TBC1D5: variants seen among roughly 807,000 people sequenced by gnomAD.
The protein encoded by TBC1D5 is TBC1 domain family, member 5.
In TBC1D5, 75 loss-of-function variants were observed where a neutral mutation model predicts 100.3. The observed-to-expected ratio is 0.75, with a 90% CI of 0.62 to 0.91. The LOEUF is 0.91. Ranked by LOEUF, TBC1D5 falls within the 40% of genes least tolerant of loss-of-function variation. TBC1D5 has a pLI of 0.00. For synonymous variants in TBC1D5, 323 were observed against 325.6 expected, an observed-to-expected ratio of 0.99 and a Z score of 0.09; for missense variants, 910 against 942.4, an observed-to-expected ratio of 0.97 and a Z score of 0.45.
rs1010871148 is a variant in TBC1D5, at chr3:17,624,588, C to T, written c.-100-675G>A. Among the ~76,000 whole-genome samples the T allele has an allele frequency of 2.0e-5, 3 of 151,946 alleles. No homozygotes were observed. In the East Asian group the frequency reaches 5.8e-4, roughly 29 times the overall value. ...ACTAAAAGCTAAATAAAAGGCATAC[C>T]TAAGAACAAAAAAAATAGCAAGATT... On this transcript the variant is annotated intron_variant, in intron 1 of 21. Transcript: ENST00000253692.
intron 1 of TBC1D5, among the ~76,000 whole-genome samples, chr3:17,691,852 A>G (rs1395748351): frequency 6.6e-6 from 1 of 151,944 alleles, no homozygotes; most frequent in Non-Finnish European, 1.5e-5. Context: ...AAAGAAAAAA[A>G]GAAAATGACT....
chr3:17,618,869 T>C (rs1232968551), intron 2 of TBC1D5, among the ~76,000 whole-genome samples: 2 of 152,338 alleles, frequency 1.3e-5, no homozygotes, highest in South Asian at 4.1e-4. Context: ...GTTGAGGTGA[T>C]GCCCCGCCTT....
chr3:17,521,308 C>T (rs111639915), intron 2 of TBC1D5, among the ~76,000 whole-genome samples: 2 of 152,162 alleles, frequency 1.3e-5, no homozygotes, highest in African/African-American at 4.8e-5. Context: ...TCTCCCCTTC[C>T]ACCTCCTCCT....
chr3:17,214,087 C>T (rs2073320672), intron 18 of TBC1D5, 120 bp downstream of exon 19: 2 of 952,174 alleles, frequency 2.1e-6, no homozygotes, highest in South Asian at 5.1e-5. Context: ...AAAATAATTC[C>T]TTTTAGTCCA....
At chr3:17,555,826 G>C (rs1339059746) in intron 2 of TBC1D5, among the ~76,000 whole-genome samples, 2 of 152,110 alleles carry the variant, frequency 1.3e-5, no homozygotes, top group African/African-American at 4.8e-5. Flanking sequence ...ATGCTGCTCA[G>C]TTTTGTGCCT....
At chr3:17,412,346 G>A (rs1171576174) in intron 4 of TBC1D5, among the ~76,000 whole-genome samples, 1 of 152,062 alleles carries the variant, frequency 6.6e-6, no homozygotes, top group African/African-American at 2.4e-5. Flanking sequence ...AATAACAGTA[G>A]CACCATAGCC....
At chr3:17,617,314 C>T (rs1560292715) in intron 2 of TBC1D5, among the ~76,000 whole-genome samples, 1 of 152,174 alleles carries the variant, frequency 6.6e-6, no homozygotes, top group African/African-American at 2.4e-5. Context: ...CTGCCCTTAA[C>T]ATTTTTTCCT....
At chr3:17,677,379 C>T (rs1031351528) in intron 1 of TBC1D5, among the ~76,000 whole-genome samples, 5 of 152,142 alleles carry the variant, frequency 3.3e-5, no homozygotes, top group Admixed American at 6.5e-5. Context: ...ATTTATGCAG[C>T]CAAAAGACAC....
At chr3:17,264,501 G>C (rs1188025316) in intron 15 of TBC1D5, among the ~76,000 whole-genome samples, 2 of 152,224 alleles carry the variant, frequency 1.3e-5, no homozygotes, top group South Asian at 2.1e-4. Flanking sequence ...AGAGATGCCT[G>C]TTCTAATTTA....
At chr3:17,210,826 C>T (rs1170327572) in intron 18 of TBC1D5, among the ~76,000 whole-genome samples, 1 of 151,914 alleles carries the variant, frequency 6.6e-6, no homozygotes, top group Non-Finnish European at 1.5e-5. Context: ...AATTTCTGGG[C>T]CAGTTCTCTA....
intron 3 of TBC1D5, among the ~76,000 whole-genome samples, chr3:17,475,748 T>A (rs897756915): frequency 3.9e-5 from 6 of 152,118 alleles, no homozygotes; most frequent in African/African-American, 1.4e-4. Context: ...TCATAAACAA[T>A]GTTCTTACAC....
At chr3:17,721,440 AAAGT>A (rs1361866680) in intron 1 of TBC1D5, among the ~76,000 whole-genome samples, 23 of 145,460 alleles carry the variant, frequency 1.6e-4, no homozygotes, top group Non-Finnish European at 2.4e-4. Context: ...AAGAGACAGA[AAAGT>A]AAGTGTGTGA....
At chr3:17,428,781 T>C (rs150944449) in intron 3 of TBC1D5, among the ~76,000 whole-genome samples, 6 of 151,986 alleles carry the variant, frequency 3.9e-5, no homozygotes, top group African/African-American at 1.4e-4. Context: ...GTACAAACAT[T>C]TTCTTCTTAT....
chr3:17,401,278 TAC>T (rs1288518837), intron 8 of TBC1D5, among the ~76,000 whole-genome samples: 1 of 146,922 alleles, frequency 6.8e-6, no homozygotes, highest in South Asian at 2.1e-4. Flanking sequence ...ATGTGTATAA[TAC>T]ACATATATAT....
At chr3:17,161,086 T>A in exon 22 of TBC1D5, 1 of 1,614,126 alleles carries the variant, frequency 6.2e-7, no homozygotes, top group South Asian at 1.1e-5. Flanking sequence ...AGAACACCAG[T>A]GGGGAGCAGA....
intron 18 of TBC1D5, among the ~76,000 whole-genome samples, chr3:17,211,983 C>T (rs2073042607): frequency 6.6e-6 from 1 of 152,106 alleles, no homozygotes; most frequent in South Asian, 2.1e-4. Context: ...GTTAAAACGC[C>T]AGAAGCTGAG....
At chr3:17,197,108 A>T (rs1281940814) in intron 18 of TBC1D5, among the ~76,000 whole-genome samples, 1 of 152,198 alleles carries the variant, frequency 6.6e-6, no homozygotes, top group African/African-American at 2.4e-5. Flanking sequence ...AATCCATCAG[A>T]TTCCATCCAG....
Position 17,374,689 on chromosome 3 carries a change from G to A in TBC1D5, c.702-10C>T. ...AGTTTTCATTTCCTCACTTAAAAAA[G>A]CAATACAAGCAATCAAAATGTGTAA... On this transcript the variant is annotated splice_polypyrimidine_tract_variant and intron_variant, in intron 10 of 21. Coordinates refer to ENST00000253692, the Ensembl canonical transcript of TBC1D5. 4 of 1,608,842 alleles carry A rather than the reference G, an allele frequency of 2.5e-6. No individual in the cohort carries two copies. Among genetic ancestry groups the A allele is most frequent in the Non-Finnish European group, 3.4e-6 (4 of 1,178,568 alleles).
At chr3:17,536,044 G>C (rs937382300) in intron 2 of TBC1D5, among the ~76,000 whole-genome samples, 1 of 152,114 alleles carries the variant, frequency 6.6e-6, no homozygotes, top group African/African-American at 2.4e-5. Flanking sequence ...ACCACTAAAT[G>C]AAGATTTACT....
Sources: allele counts gnomAD v4.1 joint callset (sites outside exome capture counted in the v4.1 genomes callset), GRCh38; gene constraint gnomAD v4.1.1; transcripts MANE v1.5; gene names NCBI Gene and HGNC (gene_info 2026-07-23, HGNC 2026-07-21).